The following SMG1 variants were observed in gnomAD, a reference collection of about 807,000 sequenced individuals.
SMG1 encodes SMG1 nonsense mediated mRNA decay associated PI3K related kinase, also known as serine/threonine-protein kinase SMG1.
In SMG1, 22 loss-of-function variants were observed where a neutral mutation model predicts 419.9. That is an observed-to-expected ratio of 0.05 (90% CI 0.04 to 0.07). SMG1 has a LOEUF of 0.07. SMG1 is among the 10% of genes least tolerant of loss of function. The pLI is 1.00. For synonymous variants in SMG1, 1,538 were observed against 1,553.5 expected, an observed-to-expected ratio of 0.99 and a Z score of 0.23; for missense variants, 3,185 against 4,342.0, an observed-to-expected ratio of 0.73 and a Z score of 7.49.
chr16:18,856,100 T>C (rs1167478041), intron 29 of SMG1, among the ~76,000 whole-genome samples: 1 of 152,192 alleles, frequency 6.6e-6, no homozygotes, highest in African/African-American at 2.4e-5. Context: ...TCAGCTTAAA[T>C]GTTACTTCCC....
At chr16:18,911,529 G>C (rs570543150) in intron 1 of SMG1, 13 of 152,214 alleles carry the variant, frequency 8.5e-5, no homozygotes, top group African/African-American at 2.4e-4. Context: ...AATGTAGAAA[G>C]AGAGCCACTC....
intron 1 of SMG1, among the ~76,000 whole-genome samples, chr16:18,903,959 AT>A (rs2037453233): frequency 3.1e-5 from 3 of 97,062 alleles, no homozygotes; most frequent in Admixed American, 2.7e-4. Context: ...TTTTTTTGAG[AT>A]GTAGTCTCGC....
intron 1 of SMG1, among the ~76,000 whole-genome samples, chr16:18,905,546 A>T (rs2037525870): frequency 6.6e-6 from 1 of 152,008 alleles, no homozygotes. Flanking sequence ...TGAGTTTTTT[A>T]GTTAACTTTA....
intron 11 of SMG1, 55 bp downstream of exon 11, chr16:18,879,440 A>G: frequency 8.7e-7 from 1 of 1,154,062 alleles, no homozygotes; most frequent in South Asian, 1.3e-5. Context: ...TTACATATCG[A>G]TTTAAGGGCC....
chr16:18,831,490 G>A (rs1207665237), intron 51 of SMG1, among the ~76,000 whole-genome samples: 1 of 152,094 alleles, frequency 6.6e-6, no homozygotes, highest in Non-Finnish European at 1.5e-5. Context: ...CTGAAATTCA[G>A]TGCAAAACAA....
In SMG1 at chr16:18,859,592, G is replaced by A. The variant is rs200385870; in HGVS notation, c.3917C>T (p.Pro1306Leu). ...CTGCCACTTCTGATCTTGTTCTATC[G>A]GGTTTAAAGCAGTTGCCAAACAAAC... is the stretch of plus-strand genomic sequence containing the variant. ...SSVCLATALNPIEQDQKWQSI... is the reference protein window; with the variant it reads ...SSVCLATALNLIEQDQKWQSI... Residue 1306 changes from proline (P) to leucine (L), a missense_variant, in exon 27 of 63, where the codon CCG (proline) becomes CTG (leucine). Coordinates refer to ENST00000446231, the MANE Select transcript of SMG1 (RefSeq NM_015092.5). 1.8e-3 allele frequency: 2,837 copies of A among 1,593,400 alleles called. 7 individuals are homozygous for A. Among genetic ancestry groups the A allele is most frequent in the Middle Eastern group, 4.1e-3 (25 of 6,032 alleles).
chr16:18,827,708 T>C (rs1395853233), intron 55 of SMG1, among the ~76,000 whole-genome samples: 1 of 142,472 alleles, frequency 7.0e-6, no homozygotes, highest in African/African-American at 2.7e-5. Context: ...ATATATTTTA[T>C]ATATATATTT....
chr16:18,862,986 T>C (rs1416458161), intron 25 of SMG1, among the ~76,000 whole-genome samples: 3 of 152,162 alleles, frequency 2.0e-5, no homozygotes, highest in African/African-American at 7.2e-5. Context: ...ACAGAAAAGG[T>C]GAGTGAGGTT....
chr16:18,872,293 C>G lies in SMG1; in HGVS notation c.2074G>C (p.Asp692His). Residue 692 changes from aspartate to histidine, a missense_variant, in exon 15 of 63, where the codon GAT becomes CAT. Asp to His is a moderately conservative substitution (Grantham distance 81, BLOSUM62 -1). Transcript: ENST00000446231. ...SLSSSSPSLF[D>H]GAVISTVTTA... ...GTTACAGTGCTAATCACAGCTCCAT[C>G]AAACAAAGAAGGAGAGGAAGAACTG... The G allele has an allele frequency of 6.3e-7, 1 of 1,597,088 alleles. No homozygotes were observed. Among genetic ancestry groups the G allele is most frequent in the Non-Finnish European group, 8.5e-7 (1 of 1,172,368 alleles).
chr16:18,829,869 G>GC, intron 53 of SMG1, 57 bp downstream of exon 53: 3 of 1,442,474 alleles, frequency 2.1e-6, no homozygotes, highest in Middle Eastern at 2.2e-4. Flanking sequence ...ACTCTATCCT[G>GC]CCCCCTTCCA....
intron 1 of SMG1, among the ~76,000 whole-genome samples, chr16:18,909,152 G>A (rs1451096904): frequency 1.3e-5 from 2 of 151,932 alleles, no homozygotes; most frequent in East Asian, 1.9e-4. Flanking sequence ...AGACCAGCCT[G>A]GCCAACATGG....
intron 5 of SMG1, among the ~76,000 whole-genome samples, chr16:18,890,516 G>A (rs1178976867): frequency 2.0e-5 from 3 of 152,144 alleles, no homozygotes; most frequent in African/African-American, 7.2e-5. Flanking sequence ...TGGCAGTGGT[G>A]GTGCACACCT....
At chr16:18,878,520 T>A (rs1256084494) in intron 11 of SMG1, 1 of 150,316 alleles carries the variant, frequency 6.7e-6, no homozygotes, top group East Asian at 2.0e-4. Flanking sequence ...AGTGGGAAGA[T>A]CACTTGAGCC....
intron 51 of SMG1, among the ~76,000 whole-genome samples, chr16:18,831,458 A>G (rs886351385): frequency 1.3e-5 from 2 of 152,166 alleles, no homozygotes; most frequent in African/African-American, 4.8e-5. Context: ...CAGATAAGAT[A>G]TTAAGAGAGA....
intron 1 of SMG1, among the ~76,000 whole-genome samples, chr16:18,903,599 T>G (rs1298176115): frequency 6.6e-6 from 1 of 152,240 alleles, no homozygotes; most frequent in Non-Finnish European, 1.5e-5. Flanking sequence ...AGTGGGCAAC[T>G]GATCCAAGCA....
chr16:18,894,283 A>C (rs1409226847), intron 3 of SMG1, among the ~76,000 whole-genome samples: 1 of 150,618 alleles, frequency 6.6e-6, no homozygotes, highest in African/African-American at 2.4e-5. Flanking sequence ...TTAAAAGTTA[A>C]AAAAAAAGAA....
intron 39 of SMG1, among the ~76,000 whole-genome samples, chr16:18,843,061 T>C (rs1253128364): frequency 6.6e-6 from 1 of 152,192 alleles, no homozygotes; most frequent in Non-Finnish European, 1.5e-5. Flanking sequence ...ATTAGGGGCT[T>C]TTAGCAAACT....
chr16:18,820,468 T>G (rs748969439), intron 55 of SMG1, among the ~76,000 whole-genome samples: 2 of 152,228 alleles, frequency 1.3e-5, no homozygotes, highest in Non-Finnish European at 2.9e-5. Flanking sequence ...CCTCCCAAAG[T>G]GCTGGGATTA....
intron 60 of SMG1, among the ~76,000 whole-genome samples, chr16:18,812,951 A>C (rs1013161299): frequency 2.6e-5 from 4 of 152,160 alleles, no homozygotes; most frequent in African/African-American, 9.7e-5. Flanking sequence ...TAGTTTGCTG[A>C]GAATGATGGT....
Sources: gnomAD v4.1 joint callset for allele counts (sites outside exome capture counted in the v4.1 genomes callset) on GRCh38, gnomAD v4.1.1 for gene constraint, MANE v1.5 for transcripts, NCBI Gene and HGNC (gene_info 2026-07-23, HGNC 2026-07-21) for gene names.